The following MAX variants were observed in gnomAD, a reference collection of about 807,000 sequenced individuals.
The protein encoded by MAX is protein max.
MAX carries 3 observed loss-of-function variants against 22.3 expected under a neutral mutation model. The observed-to-expected ratio is 0.13, with a 90% CI of 0.06 to 0.35. MAX has a LOEUF of 0.35. Among genes scored for constraint, MAX ranks in the 10% least tolerant of loss-of-function variants. MAX has a pLI of 1.00. For missense variants in MAX, 119 were observed against 209.4 expected, an observed-to-expected ratio of 0.57 and a Z score of 2.66; for synonymous variants, 72 against 77.7, an observed-to-expected ratio of 0.93 and a Z score of 0.39.
intron 3 of MAX, among the ~76,000 whole-genome samples, chr14:65,018,596 G>A (rs536246795): frequency 4.6e-5 from 7 of 152,192 alleles, no homozygotes; most frequent in Admixed American, 1.3e-4. Context: ...GATCACCTGA[G>A]ATCAAGAGTT....
chr14:65,036,998 C>T (rs1428058067), intron 3 of MAX, among the ~76,000 whole-genome samples: 1 of 152,028 alleles, frequency 6.6e-6, no homozygotes, highest in Non-Finnish European at 1.5e-5. Flanking sequence ...TATTTTTATT[C>T]ATTTTGCTGG....
intron 3 of MAX, chr14:65,040,689 C>CT (rs1210858161): frequency 1.5e-6 from 2 of 1,373,562 alleles, no homozygotes; most frequent in East Asian, 5.5e-5. Context: ...TGGTTCACAC[C>CT]TTAATCTGAG....
Position 65,088,722 on chromosome 14 carries a change from T to C in MAX, c.171+4986A>G, listed in dbSNP as rs2063412957. On this transcript the variant is annotated intron_variant, in intron 3 of 4. Transcript: ENST00000358664. This position sits in a 1 kb window ranked among gnomAD's most constrained non-coding sequence, Gnocchi z 5.2. ...TGTGCAGGCACTGAGGGAAGAAATA[T>C]AACCAAAAGGAGACATTCTCCCTGC... 6.6e-6 allele frequency among the ~76,000 whole-genome samples: 1 copy of C among 152,204 alleles called. No individual in the cohort carries two copies. Among genetic ancestry groups the C allele is most frequent in the Non-Finnish European group, 1.5e-5 (1 of 68,034 alleles).
In MAX at chr14:65,058,256, A is replaced by AT. The variant is rs202128758; in HGVS notation, c.171+35451dup. ...ATAATTTTTTCCATAAAGGACTAGCATTTTTTTTTTTTCGGTTAGAGTTAT... is the reference window on the plus strand; with the variant it reads ...ATAATTTTTTCCATAAAGGACTAGCATTTTTTTTTTTTTCGGTTAGAGTTAT... On this transcript the variant is annotated intron_variant, in intron 3 of 3. Transcript: ENST00000341653. Among the ~76,000 whole-genome samples the AT allele has an allele frequency of 5.7e-3, 724 of 127,478 alleles. 1 individual carries two copies. Among genetic ancestry groups the AT allele is most frequent in the South Asian group, 0.011 (45 of 4,162 alleles). The allele number at this position is 127,478 out of a possible 152,430, so 83.6% of individuals were successfully genotyped here.
intron 3 of MAX, among the ~76,000 whole-genome samples, chr14:65,050,708 A>C (rs2062587468): frequency 6.6e-6 from 1 of 152,190 alleles, no homozygotes; most frequent in Non-Finnish European, 1.5e-5. Context: ...TTTATTTTTG[A>C]CAGCTCCTGC....
At chr14:65,041,140 A>G (rs2062344020) in intron 3 of MAX, among the ~76,000 whole-genome samples, 1 of 152,142 alleles carries the variant, frequency 6.6e-6, no homozygotes, top group African/African-American at 2.4e-5. Flanking sequence ...TAGACTACAT[A>G]GACTGTGTGC....
intron 3 of MAX, among the ~76,000 whole-genome samples, chr14:65,041,978 G>A (rs553028526): frequency 7.9e-5 from 12 of 152,264 alleles, no homozygotes; most frequent in African/African-American, 2.6e-4. Context: ...TGGGCAAATT[G>A]TCTAATCTCT....
chr14:65,050,285 C>T (rs2062576965), intron 3 of MAX, among the ~76,000 whole-genome samples: 1 of 152,110 alleles, frequency 6.6e-6, no homozygotes, highest in Non-Finnish European at 1.5e-5. Flanking sequence ...ATTTTAATTG[C>T]TGATAACTTT....
At chr14:65,033,287 A>G (rs1324431758) in intron 3 of MAX, among the ~76,000 whole-genome samples, 5 of 152,272 alleles carry the variant, frequency 3.3e-5, no homozygotes, top group Admixed American at 3.3e-4. Flanking sequence ...AAAATTTGAA[A>G]CATGCAAGAG....
chr14:65,018,581 C>T (rs992582697), intron 3 of MAX, among the ~76,000 whole-genome samples: 1 of 150,886 alleles, frequency 6.6e-6, no homozygotes, highest in Non-Finnish European at 1.5e-5. Flanking sequence ...AGGCCAAGGT[C>T]GGCAGATCAC....
chr14:65,028,278 C>A lies in MAX; in HGVS notation c.172-21994G>T, dbSNP rs534451770. 1.3e-5 allele frequency among the ~76,000 whole-genome samples: 2 copies of A among 152,112 alleles called. No individual in the cohort carries two copies. The highest frequency in any genetic ancestry group is 4.8e-5 in the African/African-American group (2 of 41,422). On this transcript the variant is annotated intron_variant, in intron 3 of 3. Coordinates refer to the MAX transcript ENST00000341653. This position sits in a 1 kb window ranked among gnomAD's most constrained non-coding sequence, Gnocchi z 4.4. ...CCGGGAGAGTGCAGTGCAATAAAATCGCATTAACTGATTGGTGCCAGTTAG... is the reference window on the plus strand; with the variant it reads ...CCGGGAGAGTGCAGTGCAATAAAATAGCATTAACTGATTGGTGCCAGTTAG...
chr14:65,021,405 C>T (rs1002226141), intron 3 of MAX, among the ~76,000 whole-genome samples: 1 of 152,148 alleles, frequency 6.6e-6, no homozygotes, highest in African/African-American at 2.4e-5. Flanking sequence ...AGCTTATCCC[C>T]GGAATAGCCC....
chr14:65,101,775 C>T, intron 1 of MAX: 3 of 598,536 alleles, frequency 5.0e-6, no homozygotes, highest in Non-Finnish European at 5.9e-6. Flanking sequence ...GTCCCGAGCG[C>T]CGCCCCTCCT....
rs143474582 is a variant in MAX at position 65,048,263 on chromosome 14, G to A, written c.172-41979C>T. Among the ~76,000 whole-genome samples the A allele has an allele frequency of 1.6e-3, 245 of 151,386 alleles. 1 individual carries two copies. The highest frequency in any genetic ancestry group is 5.8e-3 in the African/African-American group (241 of 41,292). On this transcript the variant is annotated intron_variant, in intron 3 of 3. Transcript: ENST00000341653. ...CACACAAAGTGCTGAGATTACAGGCGTGAGCCACCATACCTGGCCAACTTT... is the reference window on the plus strand; with the variant it reads ...CACACAAAGTGCTGAGATTACAGGCATGAGCCACCATACCTGGCCAACTTT...
At chr14:65,020,779 T>G (rs1347148375) in intron 3 of MAX, among the ~76,000 whole-genome samples, 1 of 141,304 alleles carries the variant, frequency 7.1e-6, no homozygotes, top group Non-Finnish European at 1.5e-5. Flanking sequence ...GTTGCCAGGC[T>G]GTAGTGCAGT....
chr14:65,098,302 G>A (rs1454926114), intron 2 of MAX, among the ~76,000 whole-genome samples: 1 of 152,164 alleles, frequency 6.6e-6, no homozygotes, highest in African/African-American at 2.4e-5. Flanking sequence ...GTAGTTTCCT[G>A]AGTGAATTCC....
intron 2 of MAX, among the ~76,000 whole-genome samples, chr14:65,095,232 A>G (rs2063627789): frequency 6.6e-6 from 1 of 152,234 alleles, no homozygotes; most frequent in Non-Finnish European, 1.5e-5. Context: ...TGAACTGGAC[A>G]TGTGGTTCCC....
intron 3 of MAX, among the ~76,000 whole-genome samples, chr14:65,033,505 C>G (rs760049745): frequency 6.6e-6 from 1 of 152,128 alleles, no homozygotes; most frequent in Admixed American, 6.5e-5. Context: ...GTCTTAGATA[C>G]GTGTATGTTC....
chr14:65,080,152 C>T (rs2063166460), intron 3 of MAX, among the ~76,000 whole-genome samples: 2 of 152,176 alleles, frequency 1.3e-5, no homozygotes, highest in South Asian at 4.1e-4. Context: ...TACGCATTGG[C>T]CTTGGTGCTG....
Sources: gnomAD v4.1 joint callset for allele counts (sites outside exome capture counted in the v4.1 genomes callset) on GRCh38, gnomAD v4.1.1 for gene constraint, Gnocchi (gnomAD v3.1) non-coding constraint, MANE v1.5 for transcripts, NCBI Gene and HGNC (gene_info 2026-07-23, HGNC 2026-07-21) for gene names.